LMBRD1: variants seen among roughly 807,000 people sequenced by gnomAD.
LMBRD1 encodes LMBR1 domain containing 1, also known as lysosomal cobalamin transport escort protein LMBD1.
LMBRD1 carries 64 observed loss-of-function variants against 74.8 expected under a neutral mutation model. That is an observed-to-expected ratio of 0.86 (90% CI 0.70 to 1.05). The LOEUF is 1.05. LMBRD1 is among the 50% of genes least tolerant of loss of function. The pLI is 0.00. For synonymous variants in LMBRD1, 204 were observed against 216.3 expected, an observed-to-expected ratio of 0.94 and a Z score of 0.50; for missense variants, 652 against 645.9, an observed-to-expected ratio of 1.01 and a Z score of -0.10.
chr6:69,789,653 T>C (rs6934740), intron 2 of LMBRD1, among the ~76,000 whole-genome samples: 17,496 of 152,128 alleles, frequency 0.12, 2,830 homozygotes, highest in African/African-American at 0.36. Flanking sequence ...AACTATTTCA[T>C]TCAAATATTT....
At chr6:69,723,365 CA>C (rs1313238295) in intron 7 of LMBRD1, among the ~76,000 whole-genome samples, 1 of 152,122 alleles carries the variant, frequency 6.6e-6, no homozygotes, top group Non-Finnish European at 1.5e-5. Context: ...CTGTGGAATA[CA>C]TATTCTTTTC....
chr6:69,717,690 T>C (rs1766522332), intron 8 of LMBRD1, among the ~76,000 whole-genome samples: 1 of 152,178 alleles, frequency 6.6e-6, no homozygotes. Context: ...GAATTGCTAC[T>C]TTTTGTTTGT....
At chr6:69,701,833 G>A (rs1766137527) in intron 10 of LMBRD1, 56 bp downstream of exon 10, 1 of 1,205,628 alleles carries the variant, frequency 8.3e-7, no homozygotes, top group Middle Eastern at 1.9e-4. Context: ...GCAACAAAAT[G>A]TATATTATCA....
chr6:69,705,157 C>G, intron 9 of LMBRD1: 3 of 484,006 alleles, frequency 6.2e-6, no homozygotes, highest in Non-Finnish European at 1.1e-5. Context: ...GGCAATGGAG[C>G]CTGGACAACA....
intron 5 of LMBRD1, among the ~76,000 whole-genome samples, chr6:69,747,431 C>A (rs75919065): frequency 0.026 from 3,903 of 152,278 alleles, 78 homozygotes; most frequent in Non-Finnish European, 0.036. Context: ...TTTAAGCCAC[C>A]CAGTCTATGA....
intron 7 of LMBRD1, among the ~76,000 whole-genome samples, chr6:69,736,314 A>T (rs1562105179): frequency 6.6e-6 from 1 of 152,034 alleles, no homozygotes; most frequent in Non-Finnish European, 1.5e-5. Flanking sequence ...AGGCATGCTT[A>T]CCATCCATTA....
chr6:69,733,532 A>G (rs1478482855), intron 7 of LMBRD1, among the ~76,000 whole-genome samples: 1 of 152,134 alleles, frequency 6.6e-6, no homozygotes, highest in African/African-American at 2.4e-5. Flanking sequence ...CAGGTAATAG[A>G]TTTTAAACAA....
At chr6:69,712,130 T>C (rs1467941565) in intron 9 of LMBRD1, among the ~76,000 whole-genome samples, 1 of 152,154 alleles carries the variant, frequency 6.6e-6, no homozygotes, top group African/African-American at 2.4e-5. Context: ...CTGAATTTTC[T>C]GAATTACAAC....
At chr6:69,751,767 T>C (rs969524574) in intron 4 of LMBRD1, among the ~76,000 whole-genome samples, 1 of 152,232 alleles carries the variant, frequency 6.6e-6, no homozygotes, top group Non-Finnish European at 1.5e-5. Context: ...TCATAAAATG[T>C]TCGCTGTCTC....
chr6:69,728,791 TAC>T (rs879690123), intron 7 of LMBRD1, among the ~76,000 whole-genome samples: 5 of 152,194 alleles, frequency 3.3e-5, no homozygotes, highest in Non-Finnish European at 7.3e-5. Context: ...TTTAAGATTC[TAC>T]AGGACTAATA....
intron 8 of LMBRD1, 107 bp from the exon 9 acceptor site, chr6:69,713,904 T>G: frequency 8.5e-7 from 1 of 1,176,054 alleles, no homozygotes; most frequent in Non-Finnish European, 1.2e-6. Context: ...GGACACTCTT[T>G]AGGCAAATTT....
intron 3 of LMBRD1, among the ~76,000 whole-genome samples, chr6:69,764,631 G>A (rs1043386504): frequency 6.6e-6 from 1 of 152,076 alleles, no homozygotes; most frequent in Non-Finnish European, 1.5e-5. Context: ...AATCTTCCCT[G>A]ATTAAATGCC....
intron 9 of LMBRD1, among the ~76,000 whole-genome samples, chr6:69,712,074 C>T (rs1216452678): frequency 6.6e-6 from 1 of 152,100 alleles, no homozygotes; most frequent in East Asian, 1.9e-4. Flanking sequence ...TTAGCACAAA[C>T]CCACTTTCCA....
At chr6:69,739,402 GC>G (rs1401789829) in intron 6 of LMBRD1, among the ~76,000 whole-genome samples, 2 of 149,940 alleles carry the variant, frequency 1.3e-5, no homozygotes, top group African/African-American at 2.4e-5. Flanking sequence ...CTATGATCTG[GC>G]TGCATATATC....
chr6:69,675,949 AT>A lies in LMBRD1; in HGVS notation c.*208del. ...ATTCCCTCACAAAGCCAGTAGTCTT[AT>A]ATTTACATAGCATGATTATGGTAAT... On this transcript the variant is annotated 3_prime_UTR_variant, in exon 16 of 16. Coordinates refer to ENST00000649934, the MANE Select transcript of LMBRD1 (RefSeq NM_018368.4). 1 of 546,748 alleles carries A rather than the reference AT, an allele frequency of 1.8e-6. No homozygotes were observed. The highest frequency in any genetic ancestry group is 2.2e-5 in the South Asian group (1 of 45,450). The allele number at this position is 546,748 out of a possible 1,614,324, so 33.9% of individuals were successfully genotyped here.
At position 69,674,877 on chromosome 6, in the gene LMBRD1, G is replaced by A. The variant is rs977939643; in HGVS notation, c.*1281C>T. On this transcript the variant is annotated 3_prime_UTR_variant, in exon 16 of 16. Transcript: ENST00000649934. ...AATCCCAGCTACTCAGGAGGCTGAG[G>A]CAGGAGAATTGCTTGAATGCATGAA... 6.6e-6 allele frequency among the ~76,000 whole-genome samples: 1 copy of A among 152,154 alleles called. No homozygotes were observed. Among genetic ancestry groups the A allele is most frequent in the Admixed American group, 6.5e-5 (1 of 15,268 alleles).
intron 9 of LMBRD1, among the ~76,000 whole-genome samples, chr6:69,703,977 C>A (rs1766191983): frequency 6.6e-6 from 1 of 151,946 alleles, no homozygotes; most frequent in African/African-American, 2.4e-5. Context: ...TTTGGATTGC[C>A]TATTTTCTCA....
chr6:69,750,703 T>C (rs780745869), intron 4 of LMBRD1, among the ~76,000 whole-genome samples: 21 of 152,160 alleles, frequency 1.4e-4, no homozygotes, highest in Non-Finnish European at 2.4e-4. Flanking sequence ...AGAGAACGCA[T>C]ACATCTCGTG....
At chr6:69,763,043 C>T (rs1765404418) in intron 3 of LMBRD1, among the ~76,000 whole-genome samples, 2 of 137,180 alleles carry the variant, frequency 1.5e-5, no homozygotes, top group South Asian at 5.1e-4. Context: ...CGCTTTGGAA[C>T]ATGCCACTGG....
Sources: allele counts gnomAD v4.1 joint callset (sites outside exome capture counted in the v4.1 genomes callset), GRCh38; gene constraint gnomAD v4.1.1; transcripts MANE v1.5; gene names NCBI Gene and HGNC (gene_info 2026-07-23, HGNC 2026-07-21).